PCOLCE2: variants seen among roughly 807,000 people sequenced by gnomAD.
PCOLCE2 encodes the protein procollagen C-proteinase enhancer 2.
In PCOLCE2, 42 loss-of-function variants were observed where a neutral mutation model predicts 47.0. The observed-to-expected ratio is 0.89, with a 90% CI of 0.70 to 1.16. The LOEUF is 1.16. Among genes scored for constraint, PCOLCE2 ranks in the 50% most tolerant of loss-of-function variants. PCOLCE2 has a pLI of 0.00. For synonymous variants in PCOLCE2, 169 were observed against 191.7 expected (o/e 0.88, Z 0.98); for missense variants, 500 against 526.1 (o/e 0.95, Z 0.49).
intron 2 of PCOLCE2, among the ~76,000 whole-genome samples, chr3:142,866,803 A>G (rs1230752934): frequency 1.3e-5 from 2 of 152,200 alleles, no homozygotes; most frequent in African/African-American, 4.8e-5. Context: ...CCCCCAAAAC[A>G]TTTCTTTTCT....
intron 2 of PCOLCE2, among the ~76,000 whole-genome samples, chr3:142,879,006 T>C (rs1933554198): frequency 6.6e-6 from 1 of 152,218 alleles, no homozygotes; most frequent in African/African-American, 2.4e-5. Flanking sequence ...ATGGTACAAT[T>C]CTTATTTGCC....
chr3:142,850,002 T>C (rs184935137), intron 2 of PCOLCE2, among the ~76,000 whole-genome samples: 2 of 152,346 alleles, frequency 1.3e-5, no homozygotes, highest in African/African-American at 4.8e-5. Flanking sequence ...AGGGACATGT[T>C]TGGATTTGCC....
At chr3:142,827,260 G>A in intron 6 of PCOLCE2, 2 of 1,240,864 alleles carry the variant, frequency 1.6e-6, no homozygotes, top group African/African-American at 1.5e-5. Flanking sequence ...TAGGGTTCAT[G>A]GCCACATCCC....
At chr3:142,854,151 T>G (rs1484744748) in intron 2 of PCOLCE2, among the ~76,000 whole-genome samples, 1 of 152,180 alleles carries the variant, frequency 6.6e-6, no homozygotes, top group Non-Finnish European at 1.5e-5. Flanking sequence ...GTCTGCAGCT[T>G]TTCCTCCCTA....
In PCOLCE2 at chr3:142,854,313, G is replaced by C. The variant is rs111307197; in HGVS notation, c.193-5841C>G. Reference sequence around the variant, plus strand: ...AAAATGCAGACCACAGTTGATCTACGTAAAGCTCGAGGCACAGTTGATCTA... The same window carrying C: ...AAAATGCAGACCACAGTTGATCTACCTAAAGCTCGAGGCACAGTTGATCTA... On this transcript the variant is annotated intron_variant, in intron 2 of 8. Coordinates refer to ENST00000295992, the MANE Select transcript of PCOLCE2 (RefSeq NM_013363.4). 2.3e-3 allele frequency among the ~76,000 whole-genome samples: 351 copies of C among 151,228 alleles called. 1 individual carries two copies. Among genetic ancestry groups the C allele is most frequent in the African/African-American group, 7.9e-3 (327 of 41,160 alleles).
chr3:142,843,596 T>C (rs991267611), intron 3 of PCOLCE2, among the ~76,000 whole-genome samples: 7 of 151,774 alleles, frequency 4.6e-5, no homozygotes, highest in African/African-American at 1.7e-4. Context: ...GAAGCAAAAA[T>C]ATACCCCCAA....
chr3:142,880,800 A>G (rs1402909635), intron 2 of PCOLCE2, among the ~76,000 whole-genome samples: 1 of 152,242 alleles, frequency 6.6e-6, no homozygotes, highest in African/African-American at 2.4e-5. Flanking sequence ...ATCAAGGCAC[A>G]TGTAAAATAA....
intron 5 of PCOLCE2, among the ~76,000 whole-genome samples, chr3:142,834,703 T>C (rs1221194885): frequency 1.3e-5 from 2 of 152,208 alleles, no homozygotes; most frequent in African/African-American, 2.4e-5. Context: ...TTTTATACAT[T>C]GCTAAATTTG....
At chr3:142,861,211 C>T (rs1252218479) in intron 2 of PCOLCE2, among the ~76,000 whole-genome samples, 2 of 152,196 alleles carry the variant, frequency 1.3e-5, no homozygotes, top group Non-Finnish European at 1.5e-5. Flanking sequence ...TGTTCTTTCC[C>T]CTTCTATGTG....
chr3:142,888,919 TGCACCCCACGGCGCGCGCGCCGGCAC>T lies in PCOLCE2; in HGVS notation c.-49_-24del, dbSNP rs2108215818. 7.4e-7 allele frequency: 1 copy of T among 1,360,536 alleles called. No homozygotes were observed. The highest frequency in any genetic ancestry group is 1.5e-5 in the African/African-American group (1 of 65,508). The allele number at this position is 1,360,536 out of a possible 1,614,324, so 84.3% of individuals were successfully genotyped here. On this transcript the variant is annotated 5_prime_UTR_variant, in exon 1 of 9. Transcript: ENST00000295992. ...CATGGCAGCGTAGACGCTCGGGGTT[TGCACCCCACGGCGCGCGCGCCGGCAC>T]ACACGCCCCTCCGCACCCACCGCGC...
chr3:142,831,459 T>C (rs1032483116), intron 5 of PCOLCE2, among the ~76,000 whole-genome samples: 4 of 152,206 alleles, frequency 2.6e-5, no homozygotes, highest in East Asian at 1.9e-4. Flanking sequence ...TAAGAAATTC[T>C]TTTTCTTTAT....
intron 2 of PCOLCE2, among the ~76,000 whole-genome samples, chr3:142,862,502 AC>A (rs1394198890): frequency 1.3e-5 from 2 of 152,116 alleles, no homozygotes; most frequent in African/African-American, 4.8e-5. Context: ...CAATTCCCTT[AC>A]TGTAATTTTG....
chr3:142,833,008 A>G (rs9680986), intron 5 of PCOLCE2, among the ~76,000 whole-genome samples: 33,681 of 152,114 alleles, frequency 0.22, 4,249 homozygotes, highest in African/African-American at 0.33. Context: ...AGCCGCCGCC[A>G]GGGCTGCCCC....
At chr3:142,876,151 T>C (rs914850519) in intron 2 of PCOLCE2, among the ~76,000 whole-genome samples, 7 of 152,220 alleles carry the variant, frequency 4.6e-5, no homozygotes, top group Non-Finnish European at 7.3e-5. Context: ...TATTTTGTGG[T>C]TTCTCTCCTG....
In PCOLCE2 at chr3:142,865,367, G is replaced by C. The variant is rs116649075; in HGVS notation, c.193-16895C>G. 3.3e-3 allele frequency among the ~76,000 whole-genome samples: 507 copies of C among 151,980 alleles called. 3 individuals carry two copies. The highest frequency in any genetic ancestry group is 0.012 in the African/African-American group (490 of 41,436). ...CTAAAGTACTTTTAAAATACAAACA[G>C]AAAAGCATCAAAACTTAACTTGTAA... On this transcript the variant is annotated intron_variant, in intron 2 of 8. Transcript: ENST00000295992.
chr3:142,831,278 G>A (rs1248150699), intron 5 of PCOLCE2, among the ~76,000 whole-genome samples: 3 of 152,260 alleles, frequency 2.0e-5, no homozygotes, highest in East Asian at 1.9e-4. Flanking sequence ...GGGCAATCAC[G>A]GGAGTGGGAC....
rs1056382196 is a variant in PCOLCE2, at chr3:142,818,039, A to G, written c.*296T>C. On this transcript the variant is annotated 3_prime_UTR_variant, in exon 9 of 9. Coordinates refer to ENST00000295992, the MANE Select transcript of PCOLCE2 (RefSeq NM_013363.4). ...ACTCAATTCTAAAATATCCTTTTACAGAGATGTATAAATAAACGCTTCCAA... is the reference window on the plus strand; with the variant it reads ...ACTCAATTCTAAAATATCCTTTTACGGAGATGTATAAATAAACGCTTCCAA... The G allele has an allele frequency of 2.1e-5, 5 of 240,076 alleles. No individual in the cohort carries two copies. Among genetic ancestry groups the G allele is most frequent in the Admixed American group, 4.8e-5 (1 of 20,646 alleles). The allele number at this position is 240,076 out of a possible 1,614,324, so 14.9% of individuals were successfully genotyped here.
At chr3:142,861,119 A>G (rs1933174795) in intron 2 of PCOLCE2, among the ~76,000 whole-genome samples, 1 of 152,246 alleles carries the variant, frequency 6.6e-6, no homozygotes, top group Admixed American at 6.5e-5. Flanking sequence ...GGCAAGGTAC[A>G]GAATTGTAGC....
chr3:142,864,642 T>A (rs1307853846), intron 2 of PCOLCE2, among the ~76,000 whole-genome samples: 1 of 152,212 alleles, frequency 6.6e-6, no homozygotes, highest in Admixed American at 6.5e-5. Flanking sequence ...CCAAAAAGAT[T>A]TCTCATGCCC....
Sources: allele counts gnomAD v4.1 joint callset (sites outside exome capture counted in the v4.1 genomes callset), GRCh38; gene constraint gnomAD v4.1.1; transcripts MANE v1.5; gene names NCBI Gene and HGNC (gene_info 2026-07-23, HGNC 2026-07-21).